Variants in UBR4 observed in about 807,000 individuals in gnomAD.
The protein encoded by UBR4 is E3 ubiquitin-protein ligase UBR4.
A neutral mutation model predicts 575.6 loss-of-function variants in UBR4; 124 were observed. The ratio of observed to expected loss-of-function variants is 0.22; its 90% CI spans 0.19 to 0.25. The LOEUF (loss-of-function observed/expected upper bound fraction) is 0.25. Among genes scored for constraint, UBR4 ranks in the 10% least tolerant of loss-of-function variants. The pLI is 1.00. For synonymous variants in UBR4, 2,455 were observed against 2,473.7 expected, an observed-to-expected ratio of 0.99 and a Z score of 0.22; for missense variants, 4,818 against 6,478.8, an observed-to-expected ratio of 0.74 and a Z score of 8.80.
In UBR4 at chr1:19,113,950, G is replaced by A; in HGVS notation, c.11323C>T (p.Pro3775Ser). The change falls in exon 76 of 106, where the codon CCA (proline) becomes TCA (serine). Residue 3775 changes from proline (P) to serine (S), a missense_variant. Physicochemically the swap from Pro to Ser is moderately conservative, Grantham distance 74 (BLOSUM62 -1). Coordinates refer to ENST00000375254, the MANE Select transcript of UBR4 (RefSeq NM_020765.3). ...CCTTTGCAGCGTGGGACTACCTGTGGCTTTTCTGGAGCTGCCTCATTCACT... is the reference window on the plus strand; with the variant it reads ...CCTTTGCAGCGTGGGACTACCTGTGACTTTTCTGGAGCTGCCTCATTCACT... Reference protein sequence around the residue: ...CKVNEAAPEKPQDDSGTAGGI... With the variant: ...CKVNEAAPEKSQDDSGTAGGI... 2 of 1,614,204 alleles carry A rather than the reference G, an allele frequency of 1.2e-6. No homozygotes were observed. Among genetic ancestry groups the A allele is most frequent in the African/African-American group, 2.7e-5 (2 of 75,044 alleles).
chr1:19,163,457 G>A (rs541386621), intron 34 of UBR4, among the ~76,000 whole-genome samples: 11 of 152,362 alleles, frequency 7.2e-5, no homozygotes, highest in Admixed American at 2.0e-4. Context: ...CAGTTCCAAA[G>A]CCTGAGCAGG....
In UBR4 at chr1:19,153,199, A is replaced by T. The variant is rs1371847732; in HGVS notation, c.6832+102T>A. On this transcript the variant is annotated intron_variant, in intron 46 of 105. Coordinates refer to ENST00000375254, the MANE Select transcript of UBR4 (RefSeq NM_020765.3). This position sits in a 1 kb window ranked among gnomAD's most constrained non-coding sequence, Gnocchi z 4.1. Reference sequence around the variant, plus strand: ...ACTTTACAAAATGTGCAAGTAGGACAGTCACATTTCTTCACAGATATTTTC... The same window carrying T: ...ACTTTACAAAATGTGCAAGTAGGACTGTCACATTTCTTCACAGATATTTTC... 12 of 1,294,892 alleles carry T rather than the reference A, an allele frequency of 9.3e-6. No homozygotes were observed. The Admixed American group carries it at 2.3e-4, about 25-fold the overall frequency. 80.2% of individuals were successfully genotyped at this position (1,294,892 alleles called of 1,614,324 possible). A position where few individuals can be genotyped will look rare whatever the true frequency, so the allele number is the denominator to read the frequency against.
At chr1:19,135,897 C>T (rs2083149516) in intron 60 of UBR4, among the ~76,000 whole-genome samples, 1 of 152,128 alleles carries the variant, frequency 6.6e-6, no homozygotes, top group African/African-American at 2.4e-5. Context: ...AAATAAATCA[C>T]ATATCCTGGT....
intron 64 of UBR4, among the ~76,000 whole-genome samples, chr1:19,125,224 G>T (rs1392613768): frequency 6.6e-6 from 1 of 152,226 alleles, no homozygotes; most frequent in Non-Finnish European, 1.5e-5. Context: ...CAGCTATCCT[G>T]CAAGCTGTGT....
chr1:19,165,440 G>A, intron 30 of UBR4, 91 bp from the exon 31 acceptor site: 6 of 1,217,202 alleles, frequency 4.9e-6, no homozygotes, highest in Non-Finnish European at 7.1e-6. Flanking sequence ...CTCCTCTGGG[G>A]AAAATGACCA....
chr1:19,127,239 CTT>C (rs1050880404), intron 63 of UBR4, among the ~76,000 whole-genome samples: 1 of 152,238 alleles, frequency 6.6e-6, no homozygotes. Flanking sequence ...CAATTTCTAC[CTT>C]CTCTGCTTTA....
rs2085944738 is a variant in UBR4, at chr1:19,152,996, G to C, written c.6832+305C>G. Among the ~76,000 whole-genome samples the C allele has an allele frequency of 6.6e-6, 1 of 152,202 alleles. No individual in the cohort carries two copies. On this transcript the variant is annotated intron_variant, in intron 46 of 105. Coordinates refer to ENST00000375254, the MANE Select transcript of UBR4 (RefSeq NM_020765.3). The surrounding 1 kb of genome is among the most constrained non-coding windows in gnomAD (Gnocchi z 4.4). ...CTCAGTGGGAAATTAACCAGCTGAA[G>C]AGGTCTATACTTCAATCAGTTCTTC...
chr1:19,112,740 A>C lies in UBR4; in HGVS notation c.11585T>G (p.Leu3862Arg), dbSNP rs762445670. The C allele has an allele frequency of 6.2e-7, 1 of 1,614,246 alleles. No individual in the cohort carries two copies. The highest frequency in any genetic ancestry group is 8.5e-7 in the Non-Finnish European group (1 of 1,180,038). Residue 3862 changes from leucine to arginine, a missense_variant, in exon 78 of 106, where the codon CTG (leucine) becomes CGG (arginine). Leu to Arg is a moderately radical substitution (Grantham distance 102). Coordinates refer to ENST00000375254, the MANE Select transcript of UBR4 (RefSeq NM_020765.3). ...TASQYRALSV[L>R]GCGHTSSTKC... ...GGTGGAGGATGTGTGGCCACAGCCC[A>C]GGACGGATAAGGCACGGTACTGGCT...
Position 19,099,640 on chromosome 1 carries a change from G to A in UBR4, c.13259C>T (p.Pro4420Leu), listed in dbSNP as rs1374256796. The A allele has an allele frequency of 6.2e-7, 1 of 1,613,970 alleles. No homozygotes were observed. Among genetic ancestry groups the A allele is most frequent in the Non-Finnish European group, 8.5e-7 (1 of 1,179,908 alleles). The stretch of plus-strand genomic sequence containing the variant: ...GACTTTCTTGTAAACTTCAGCCACA[G>A]GAAGGTCCAAACTAATGATTTTATT... ...VNNKIISLDL[P>L]VAEVYKKVWC... The change falls in exon 90 of 106, where the codon CCT (proline) becomes CTT (leucine). Residue 4420 changes from proline (P) to leucine (L), a missense_variant. Coordinates refer to ENST00000375254, the MANE Select transcript of UBR4 (RefSeq NM_020765.3).
At chr1:19,149,926 G>A in intron 49 of UBR4, 2 of 463,700 alleles carry the variant, frequency 4.3e-6, no homozygotes, top group Non-Finnish European at 3.6e-6. Flanking sequence ...AAGGGAGGGA[G>A]GAGGCTGGTG....
rs181066224 is a variant in UBR4, at chr1:19,207,458, G to A, written c.176+2615C>T. 1.3e-3 allele frequency among the ~76,000 whole-genome samples: 203 copies of A among 152,238 alleles called. 1 individual carries two copies. The highest frequency in any genetic ancestry group is 4.8e-3 in the African/African-American group (198 of 41,554). On this transcript the variant is annotated intron_variant, in intron 1 of 105. Coordinates refer to ENST00000375254, the MANE Select transcript of UBR4 (RefSeq NM_020765.3). ...AGCCTGACCAGCATGGTGAAACCTC[G>A]TCTCTACTACAAATACAAAAATTAG...
In UBR4 at chr1:19,110,902, G is replaced by C; in HGVS notation, c.11802-70C>G. The C allele has an allele frequency of 6.8e-7, 1 of 1,469,418 alleles. No individual in the cohort carries two copies. The highest frequency in any genetic ancestry group is 9.3e-7 in the Non-Finnish European group (1 of 1,075,648). The allele number at this position is 1,469,418 out of a possible 1,614,324, so 91.0% of individuals were successfully genotyped here. ...TGTGACACTCCTTTCCACCTGAAGG[G>C]GCCCAGGGAAAATGAAATCAATGTC... On this transcript the variant is annotated intron_variant, in intron 78 of 105. Coordinates refer to ENST00000375254, the MANE Select transcript of UBR4 (RefSeq NM_020765.3). This position sits in a 1 kb window ranked among gnomAD's most constrained non-coding sequence, Gnocchi z 4.5.
intron 60 of UBR4, among the ~76,000 whole-genome samples, chr1:19,132,773 T>C (rs2082697470): frequency 6.6e-6 from 1 of 151,268 alleles, no homozygotes; most frequent in East Asian, 1.9e-4. Flanking sequence ...TTGTCAGAAA[T>C]GAAAAAAAGC....
intron 32 of UBR4, 133 bp from the exon 33 acceptor site, chr1:19,164,574 G>A (rs2087968657): frequency 8.5e-7 from 1 of 1,178,136 alleles, no homozygotes. Flanking sequence ...TGGGCTAGTA[G>A]AGCATAAAAC....
chr1:19,173,709 TA>T (rs1490711339), intron 22 of UBR4, 88 bp from the exon 23 acceptor site: 1 of 1,298,776 alleles, frequency 7.7e-7, no homozygotes, highest in African/African-American at 1.5e-5. Context: ...ATACAACTTT[TA>T]AACCAGAACT....
In UBR4 at chr1:19,162,548, G is replaced by C; in HGVS notation, c.4828C>G (p.Leu1610Val). 6.2e-7 allele frequency: 1 copy of C among 1,614,106 alleles called. No homozygotes were observed. Among genetic ancestry groups the C allele is most frequent in the East Asian group, 2.2e-5 (1 of 44,886 alleles). Residue 1610 changes from leucine to valine, a missense_variant, in exon 35 of 106, where the codon CTG (leucine) becomes GTG (valine). Leu to Val is a conservative substitution (Grantham distance 32). This residue lies in a region of UBR4 where 1,172 missense variants were observed against 1,259.7 expected (regional missense o/e 0.93). Coordinates refer to ENST00000375254, the MANE Select transcript of UBR4 (RefSeq NM_020765.3). ...GGGCCTTGACCATTACTCTGGCTCA[G>C]GGCATTCGTGACATCAGCCAAGTAA... Reference protein sequence around the residue: ...MSYLADVTNALSQSNGQGPSH... With the variant: ...MSYLADVTNAVSQSNGQGPSH...
Position 19,172,955 on chromosome 1 carries a change from C to G in UBR4, c.3430G>C (p.Ala1144Pro), listed in dbSNP as rs199659790. 7.4e-6 allele frequency: 12 copies of G among 1,614,132 alleles called. No homozygotes were observed. The Admixed American group carries it at 1.7e-4, about 22-fold the overall frequency. The change falls in exon 25 of 106, where the codon GCT becomes CCT. Residue 1144 changes from alanine to proline, a missense_variant. Coordinates refer to ENST00000375254, the MANE Select transcript of UBR4 (RefSeq NM_020765.3). ...SLDEHFSKMA[A>P]ETDPHKSSEI... ...GACGACTTATGAGGATCAGTCTCAG[C>G]AGCCATCTTAGAAAAATGCTCATCC...
intron 49 of UBR4, among the ~76,000 whole-genome samples, 171 bp from the exon 50 acceptor site, chr1:19,148,797 A>G (rs2085244425): frequency 6.6e-6 from 1 of 152,236 alleles, no homozygotes; most frequent in East Asian, 1.9e-4. Context: ...TTCCTACGTT[A>G]CAGGCCAGGA....
chr1:19,089,611 C>T lies in UBR4; in HGVS notation c.14212-634G>A, dbSNP rs2077329668. On this transcript the variant is annotated intron_variant, in intron 97 of 105. Coordinates refer to ENST00000375254, the MANE Select transcript of UBR4 (RefSeq NM_020765.3). The surrounding 1 kb of genome is among the most constrained non-coding windows in gnomAD (Gnocchi z 4.3). ...CTATGTGATAAACGGGGGTGGAGAA[C>T]ATCAGAAGGCTAAAGACAGGTGTAG... is the stretch of plus-strand genomic sequence containing the variant. Among the ~76,000 whole-genome samples, 1 of 152,146 alleles carries T rather than the reference C, an allele frequency of 6.6e-6. No individual in the cohort carries two copies. The highest frequency in any genetic ancestry group is 2.1e-4 in the South Asian group (1 of 4,834).
Sources: allele counts gnomAD v4.1 joint callset (sites outside exome capture counted in the v4.1 genomes callset), GRCh38; gene constraint gnomAD v4.1.1; regional missense constraint gnomAD v4.1.1; non-coding constraint Gnocchi (gnomAD v3.1); transcripts MANE v1.5; gene names NCBI Gene and HGNC (gene_info 2026-07-23, HGNC 2026-07-21).